Variants in TXNL4A observed in about 807,000 individuals in gnomAD.
TXNL4A encodes the protein thioredoxin like 4A, also known as thioredoxin-like protein 4A.
Under a neutral mutation model 14.6 loss-of-function variants are expected in TXNL4A, and 17 were observed. The ratio of observed to expected loss-of-function variants is 1.16; its 90% CI spans 0.80 to 1.74. The LOEUF is 1.74. TXNL4A is among the 40% of genes most tolerant of loss of function. The pLI is 0.00. For synonymous variants in TXNL4A, 83 were observed against 70.6 expected, an observed-to-expected ratio of 1.18 and a Z score of -0.88; for missense variants, 74 against 195.2, an observed-to-expected ratio of 0.38 and a Z score of 3.70.
At chr18:79,981,159 C>G (rs1737996216) in intron 1 of TXNL4A, among the ~76,000 whole-genome samples, 1 of 152,192 alleles carries the variant, frequency 6.6e-6, no homozygotes, top group African/African-American at 2.4e-5. Context: ...ATGCCTTGCT[C>G]AGGGACAGAT....
At chr18:80,009,845 AC>A (rs1381897823) in intron 1 of TXNL4A, among the ~76,000 whole-genome samples, 1 of 152,112 alleles carries the variant, frequency 6.6e-6, no homozygotes, top group Non-Finnish European at 1.5e-5. Flanking sequence ...CGCAGTGTTT[AC>A]TGAAATTGTA....
chr18:79,973,986 G>A, intron 2 of TXNL4A, 130 bp from the exon 3 acceptor site: 1 of 1,250,234 alleles, frequency 8.0e-7, no homozygotes, highest in Non-Finnish European at 1.1e-6. Flanking sequence ...ATAAAATCGA[G>A]AGTGTATGCC....
chr18:79,980,341 C>T lies in TXNL4A; in HGVS notation c.154-2640G>A, dbSNP rs577368967. Among the ~76,000 whole-genome samples the T allele has an allele frequency of 3.3e-5, 5 of 152,282 alleles. No individual in the cohort carries two copies. In the South Asian group the frequency reaches 1.0e-3, roughly 32 times the overall value. ...TTGCAGCATCCTCTCACAGCAGTCA[C>T]GGGAAATCAATGGGATATGCACAAC... On this transcript the variant is annotated intron_variant, in intron 1 of 2. Transcript: ENST00000269601.
At chr18:79,979,026 C>T (rs2051423461) in intron 1 of TXNL4A, among the ~76,000 whole-genome samples, 1 of 151,936 alleles carries the variant, frequency 6.6e-6, no homozygotes, top group Non-Finnish European at 1.5e-5. Flanking sequence ...CAACCTCCAC[C>T]TCCCAGGTTC....
In TXNL4A at chr18:79,972,866, A is replaced by T. The variant is rs1311597250; in HGVS notation, c.*819T>A. On this transcript the variant is annotated 3_prime_UTR_variant, in exon 3 of 3. Coordinates refer to ENST00000269601, the MANE Select transcript of TXNL4A (RefSeq NM_006701.5). ...GGGAAGAATAAAAAATAGCTCTCCT[A>T]TTCCTTACAGGGAAGGCTATAAACA... The T allele has an allele frequency of 6.6e-6, 1 of 152,222 alleles. No homozygotes were observed. Among genetic ancestry groups the T allele is most frequent in the East Asian group, 1.9e-4 (1 of 5,204 alleles). 9.4% of individuals were successfully genotyped at this position (152,222 alleles called of 1,614,324 possible). A position where few individuals can be genotyped will look rare whatever the true frequency, so the allele number is the denominator to read the frequency against.
chr18:80,000,221 A>G (rs542625009), intron 1 of TXNL4A, among the ~76,000 whole-genome samples: 15 of 152,232 alleles, frequency 9.9e-5, no homozygotes, highest in Non-Finnish European at 1.9e-4. Context: ...AACATGTGGG[A>G]AAGTTTGGAA....
intron 1 of TXNL4A, among the ~76,000 whole-genome samples, chr18:80,004,617 G>T (rs1463797736): frequency 2.0e-5 from 3 of 152,170 alleles, no homozygotes; most frequent in Non-Finnish European, 4.4e-5. Flanking sequence ...TGAAAGGGGT[G>T]GGTGGGCAGG....
chr18:80,021,887 C>T (rs185509618), intron 1 of TXNL4A, among the ~76,000 whole-genome samples: 48 of 152,236 alleles, frequency 3.2e-4, no homozygotes, highest in African/African-American at 1.2e-3. Context: ...CCAATTTTCC[C>T]GTGACTTGTC....
chr18:80,002,142 G>T (rs914045834), intron 1 of TXNL4A, among the ~76,000 whole-genome samples: 1 of 152,112 alleles, frequency 6.6e-6, no homozygotes, highest in Non-Finnish European at 1.5e-5. Context: ...GTTTTATAAC[G>T]GGAAACCCTT....
At chr18:79,977,909 T>C (rs2051403537) in intron 1 of TXNL4A, 1 of 556,354 alleles carries the variant, frequency 1.8e-6, no homozygotes, top group African/African-American at 1.9e-5. Flanking sequence ...GCTCAAGCTA[T>C]CCTCCCACCT....
chr18:79,986,490 T>A, intron 1 of TXNL4A: 1 of 830,238 alleles, frequency 1.2e-6, no homozygotes, highest in Non-Finnish European at 1.5e-6. Flanking sequence ...CTTAAGTGTG[T>A]GTCCACTATG....
chr18:79,983,791 C>T (rs1018241881), intron 1 of TXNL4A, among the ~76,000 whole-genome samples: 1 of 152,204 alleles, frequency 6.6e-6, no homozygotes, highest in Non-Finnish European at 1.5e-5. Context: ...GACAGGAGTG[C>T]TCTAGAAACC....
At chr18:80,025,205 T>C (rs2051876597) in intron 1 of TXNL4A, among the ~76,000 whole-genome samples, 1 of 151,898 alleles carries the variant, frequency 6.6e-6, no homozygotes, top group South Asian at 2.1e-4. Flanking sequence ...ACCTGGAGAG[T>C]AGCAAAAGGG....
intron 1 of TXNL4A, among the ~76,000 whole-genome samples, chr18:80,008,841 G>A (rs1423165301): frequency 6.6e-6 from 1 of 152,164 alleles, no homozygotes; most frequent in Non-Finnish European, 1.5e-5. Context: ...GCAGTGGCAC[G>A]ATCGTGGCTC....
At chr18:80,027,752 C>A (rs2051894458) in intron 1 of TXNL4A, among the ~76,000 whole-genome samples, 1 of 152,228 alleles carries the variant, frequency 6.6e-6, no homozygotes, top group African/African-American at 2.4e-5. Context: ...CACCAAAGGA[C>A]ACAAAGTGTC....
intron 1 of TXNL4A, among the ~76,000 whole-genome samples, chr18:80,012,885 A>G (rs1458349545): frequency 1.3e-5 from 2 of 149,856 alleles, no homozygotes; most frequent in Admixed American, 6.6e-5. Flanking sequence ...TCCTCCTGGG[A>G]AACGGGGTGA....
chr18:79,982,203 C>A lies in TXNL4A; in HGVS notation c.154-4502G>T, dbSNP rs150579997. Among the ~76,000 whole-genome samples, 165 of 149,756 alleles carry A rather than the reference C, an allele frequency of 1.1e-3. 1 individual carries two copies. The highest frequency in any genetic ancestry group is 3.6e-3 in the African/African-American group (148 of 41,306). On this transcript the variant is annotated intron_variant, in intron 1 of 2. Coordinates refer to ENST00000269601, the MANE Select transcript of TXNL4A (RefSeq NM_006701.5). The surrounding 1 kb of genome is among the most constrained non-coding windows in gnomAD (Gnocchi z 4.0). ...CAGCAGCCAGGTCTCAGATCCAGCA[C>A]CAGGGCAAGGAAGCAGAAGTGCAGG...
intron 1 of TXNL4A, among the ~76,000 whole-genome samples, chr18:79,978,538 G>C (rs1406270767): frequency 1.3e-5 from 2 of 152,152 alleles, no homozygotes; most frequent in African/African-American, 4.8e-5. Context: ...CTGCTGCCCA[G>C]GCTGGAGTGC....
At chr18:79,990,308 T>G (rs1186742301), upstream of TXNL4A, among the ~76,000 whole-genome samples, 2 of 152,252 alleles carry the variant, frequency 1.3e-5, no homozygotes, top group Non-Finnish European at 2.9e-5. Flanking sequence ...CATCTAAATC[T>G]CTTTCATTTT....
Sources: allele counts gnomAD v4.1 joint callset (sites outside exome capture counted in the v4.1 genomes callset), GRCh38; gene constraint gnomAD v4.1.1; non-coding constraint Gnocchi (gnomAD v3.1); transcripts MANE v1.5; gene names NCBI Gene and HGNC (gene_info 2026-07-23, HGNC 2026-07-21).